Variants in PLXND1 observed in about 807,000 individuals in gnomAD.
PLXND1 encodes plexin D1.
PLXND1 carries 54 observed loss-of-function variants against 197.7 expected under a neutral mutation model. The observed-to-expected ratio is 0.27, with a 90% confidence interval of 0.22 to 0.34. The LOEUF (loss-of-function observed/expected upper bound fraction) is 0.34, where lower values mean the gene tolerates loss of function less well. PLXND1 is among the 10% of genes least tolerant of loss of function. PLXND1 has a pLI of 1.00. For synonymous variants in PLXND1, 1,180 were observed against 1,161.2 expected (o/e 1.02, Z -0.33); for missense variants, 2,127 against 2,699.2 (o/e 0.79, Z 4.70).
chr3:129,574,404 C>T lies in PLXND1; in HGVS notation c.2617G>A (p.Asp873Asn). 1.2e-6 allele frequency: 2 copies of T among 1,612,834 alleles called. No homozygotes were observed. The highest frequency in any genetic ancestry group is 1.7e-6 in the Non-Finnish European group (2 of 1,179,860). Residue 873 changes from aspartate (D) to asparagine (N), a missense_variant, in exon 12 of 36, where the codon GAT (aspartate) becomes AAT (asparagine). By Grantham distance (23) the Asp-to-Asn change is conservative (BLOSUM62 1). This residue lies in a region of PLXND1 where 1,095 missense variants were observed against 1,259.8 expected (regional missense o/e 0.87). Coordinates refer to ENST00000324093, the MANE Select transcript of PLXND1 (RefSeq NM_015103.3). ...AGAGGCCCCCGCAGGCGGCAGCCATCACTCCACATGCACAGGTGACCCAGG... is the reference window on the plus strand; with the variant it reads ...AGAGGCCCCCGCAGGCGGCAGCCATTACTCCACATGCACAGGTGACCCAGG... ...EDLGHLCMWS[D>N]GCRLRGPLQP...
At chr3:129,562,151 G>A (rs2085071154) in intron 27 of PLXND1, among the ~76,000 whole-genome samples, 1 of 152,098 alleles carries the variant, frequency 6.6e-6, no homozygotes, top group East Asian at 1.9e-4. Flanking sequence ...TCTGGAAATG[G>A]CCTTGTCTGC....
At chr3:129,567,639 G>A in intron 21 of PLXND1, 35 bp from the exon 22 acceptor site, 2 of 1,583,452 alleles carry the variant, frequency 1.3e-6, no homozygotes, top group Non-Finnish European at 1.7e-6. Flanking sequence ...AGCGGCCCGA[G>A]AACCCATCCC....
In PLXND1 at chr3:129,572,715, C is replaced by G. The variant is rs761506184; in HGVS notation, c.2971G>C (p.Gly991Arg). The G allele has an allele frequency of 6.3e-7, 1 of 1,598,980 alleles. No homozygotes were observed. Among genetic ancestry groups the G allele is most frequent in the South Asian group, 1.1e-5 (1 of 88,958 alleles). ...PLVHSLEPTMGPKAGGTRITI... is the reference protein window; with the variant it reads ...PLVHSLEPTMRPKAGGTRITI... ...ATCCTGGTGCCCCCGGCCTTGGGGC[C>G]CATGGTAGGCTCCAGGGAGTGGACC... The change falls in exon 15 of 36, where the codon GGC (glycine) becomes CGC (arginine). Residue 991 changes from glycine (G) to arginine (R), a missense_variant. Gly to Arg is a moderately radical substitution (Grantham distance 125). Coordinates refer to ENST00000324093, the MANE Select transcript of PLXND1 (RefSeq NM_015103.3).
intron 5 of PLXND1, 87 bp downstream of exon 5, chr3:129,585,865 G>A: frequency 2.6e-6 from 4 of 1,555,296 alleles, no homozygotes; most frequent in Non-Finnish European, 3.5e-6. Context: ...ACCATGGGTG[G>A]GAGTCTCCAC....
At position 129,606,512 on chromosome 3, in the gene PLXND1, C is replaced by G. The variant is rs768557084; in HGVS notation, c.128G>C (p.Arg43Pro). The G allele has an allele frequency of 1.7e-5, 24 of 1,393,212 alleles. No homozygotes were observed. In the East Asian group the frequency reaches 5.7e-4, roughly 33 times the overall value. The allele number at this position is 1,393,212 out of a possible 1,614,324, so 86.3% of individuals were successfully genotyped here. Residue 43 changes from arginine to proline, a missense_variant, in exon 1 of 36, where the codon CGG (arginine) becomes CCG (proline). Arg to Pro is a moderately radical substitution (Grantham distance 103). Around this residue, in one of 6 missense-constraint regions of PLXND1, gnomAD observed 245 missense variants for 267.1 expected, o/e 0.92. Transcript: ENST00000324093. ...ACGCTGGATCTCCAGGGCGCCGGCC[C>G]GCGCCGCCCCCAGGAGCAGCAGCAA... ...LLLLLLLGAA[R>P]AGALEIQRRF...
Position 129,565,982 on chromosome 3 carries a change from T to G in PLXND1, c.4227A>C (p.Gly1409=), listed in dbSNP as rs1393557549. The change falls in exon 24 of 36, where the codon GGA becomes GGC. Residue 1409 remains glycine, a synonymous_variant. Transcript: ENST00000324093. ...PESCRPNMEE[G]ISLFSSLLNN... ...TGAGTAGTGAGGAGAACAAGCTAAT[T>G]CCCTCTTCCATGTTGGGCCGGCAGC... The G allele has an allele frequency of 1.2e-6, 2 of 1,613,974 alleles. No individual in the cohort carries two copies. Among genetic ancestry groups the G allele is most frequent in the Admixed American group, 3.3e-5 (2 of 60,000 alleles).
Position 129,557,094 on chromosome 3 carries a change from C to T in PLXND1, c.5575G>A (p.Glu1859Lys), listed in dbSNP as rs1266131248. The T allele has an allele frequency of 9.3e-6, 15 of 1,613,894 alleles. No homozygotes were observed. Among genetic ancestry groups the T allele is most frequent in the East Asian group, 2.2e-5 (1 of 44,888 alleles). Residue 1859 changes from glutamate (E) to lysine (K), a missense_variant, in exon 34 of 36, where the codon GAG (glutamate) becomes AAG (lysine). This residue lies in a region of PLXND1 where 200 missense variants were observed against 303.3 expected (regional missense o/e 0.66). Transcript: ENST00000324093. The surrounding 1 kb of genome is among the most constrained non-coding windows in gnomAD (Gnocchi z 4.8). Reference sequence around the variant, plus strand: ...CCGAGCCACCGCACCCTCGACTCCTCGGCCAGATGGGCATTCATCTCTTGC... The same window carrying T: ...CCGAGCCACCGCACCCTCGACTCCTTGGCCAGATGGGCATTCATCTCTTGC... Reference protein sequence around the residue: ...SEQEMNAHLAEESRKYQNEFN... With the variant: ...SEQEMNAHLAKESRKYQNEFN...
At chr3:129,594,302 A>G (rs1471212768) in intron 1 of PLXND1, among the ~76,000 whole-genome samples, 1 of 152,184 alleles carries the variant, frequency 6.6e-6, no homozygotes, top group Non-Finnish European at 1.5e-5. Context: ...CTGAAAGCAC[A>G]TGATCACTTT....
At chr3:129,560,489 G>T in intron 30 of PLXND1, 55 bp from the exon 31 acceptor site, 2 of 1,276,988 alleles carry the variant, frequency 1.6e-6, no homozygotes, top group Non-Finnish European at 2.3e-6. Flanking sequence ...TCGGCCGCCT[G>T]TGGGAGGTCT....
At chr3:129,584,687 G>T in intron 5 of PLXND1, 125 bp from the exon 6 acceptor site, 2 of 882,908 alleles carry the variant, frequency 2.3e-6, no homozygotes, top group Non-Finnish European at 3.4e-6. Context: ...GGTAGTGGTG[G>T]CCAGGACTCA....
chr3:129,589,644 T>A, intron 1 of PLXND1, 117 bp from the exon 2 acceptor site: 1 of 896,088 alleles, frequency 1.1e-6, no homozygotes, highest in Non-Finnish European at 1.7e-6. Context: ...TGTTCCTACT[T>A]TATATCCTCA....
intron 1 of PLXND1, among the ~76,000 whole-genome samples, chr3:129,600,611 G>C (rs746175065): frequency 6.6e-6 from 1 of 151,840 alleles, no homozygotes. Context: ...GGCTGGGAGG[G>C]ATGTCTCCTG....
chr3:129,561,953 G>T, intron 27 of PLXND1, 50 bp from the exon 28 acceptor site: 1 of 1,318,164 alleles, frequency 7.6e-7, no homozygotes, highest in Non-Finnish European at 1.1e-6. Context: ...AGCTGGGCCT[G>T]AGGGGTAGGT....
chr3:129,562,770 C>T lies in PLXND1; in HGVS notation c.4825+17G>A. Reference sequence around the variant, plus strand: ...TGAAGCGCCTGACACGGGGTCTCTGCCCCCATTCCCACCCACCAAGGTCGA... The same window carrying T: ...TGAAGCGCCTGACACGGGGTCTCTGTCCCCATTCCCACCCACCAAGGTCGA... On this transcript the variant is annotated intron_variant, in intron 27 of 35. Coordinates refer to ENST00000324093, the MANE Select transcript of PLXND1 (RefSeq NM_015103.3). The T allele has an allele frequency of 6.3e-7, 1 of 1,583,828 alleles. No individual in the cohort carries two copies. Among genetic ancestry groups the T allele is most frequent in the Non-Finnish European group, 8.6e-7 (1 of 1,157,254 alleles).
chr3:129,561,538 C>A lies in PLXND1; in HGVS notation c.4993+108G>T, dbSNP rs544921160. On this transcript the variant is annotated intron_variant, in intron 29 of 35. Coordinates refer to ENST00000324093, the MANE Select transcript of PLXND1 (RefSeq NM_015103.3). ...CCAGCCCCCACCAAGGAGGCCTCAG[C>A]CCAGGCCAGCCCTGCCTCTCGGAGC... The A allele has an allele frequency of 1.8e-5, 15 of 837,454 alleles. 1 individual carries two copies. The East Asian group carries it at 4.0e-4, about 22-fold the overall frequency. 51.9% of individuals were successfully genotyped at this position (837,454 alleles called of 1,614,324 possible).
At chr3:129,575,679 T>C (rs1014096163) in intron 10 of PLXND1, 87 bp downstream of exon 10, 7 of 1,223,068 alleles carry the variant, frequency 5.7e-6, no homozygotes, top group African/African-American at 1.5e-5. Context: ...AACCAGAAGG[T>C]AGAGAGAGGC....
intron 2 of PLXND1, 45 bp downstream of exon 2, chr3:129,589,306 A>AGCCGGGG: frequency 4.4e-6 from 3 of 677,830 alleles, no homozygotes; most frequent in Non-Finnish European, 5.2e-6. Flanking sequence ...CTCCCAGGGG[A>AGCCGGGG]GCCTCCCACC....
chr3:129,606,187 C>A lies in PLXND1; in HGVS notation c.453G>T (p.Arg151=). The change falls in exon 1 of 36, where the codon CGG becomes CGT. Residue 151 remains arginine, a synonymous_variant. Coordinates refer to ENST00000324093, the MANE Select transcript of PLXND1 (RefSeq NM_015103.3). The part of the protein sequence containing the change: ...GSIYQGFCQL[R]RRGNISAVAV... ...CCACGGCCGAGATGTTGCCCCGGCG[C>A]CGCAGCTGGCAGAAGCCCTGGTAGA... 1 of 1,555,376 alleles carries A rather than the reference C, an allele frequency of 6.4e-7. No individual in the cohort carries two copies. Among genetic ancestry groups the A allele is most frequent in the Admixed American group, 1.9e-5 (1 of 53,828 alleles).
At chr3:129,589,310 T>TGGCCCCCCCCCCCC in intron 2 of PLXND1, 41 bp downstream of exon 2, 120 of 501,182 alleles carry the variant, frequency 2.4e-4, no homozygotes, top group East Asian at 5.1e-4. Flanking sequence ...CAGGGGAGCC[T>TGGCCCCCCCCCCCC]CCCACCCCCA....
Sources: gnomAD v4.1 joint callset for allele counts (sites outside exome capture counted in the v4.1 genomes callset) on GRCh38, gnomAD v4.1.1 for gene constraint, gnomAD v4.1.1 regional missense constraint, Gnocchi (gnomAD v3.1) non-coding constraint, MANE v1.5 for transcripts, NCBI Gene and HGNC (gene_info 2026-07-23, HGNC 2026-07-21) for gene names.